The following TGFA variants were observed in gnomAD, a reference collection of about 807,000 sequenced individuals.
TGFA encodes transforming growth factor alpha, also known as protransforming growth factor alpha.
Under a neutral mutation model 21.7 loss-of-function variants are expected in TGFA, and 12 were observed. The observed-to-expected ratio is 0.55, with a 90% CI of 0.35 to 0.90. The LOEUF (loss-of-function observed/expected upper bound fraction) is 0.90, where lower values mean the gene tolerates loss of function less well. Ranked by LOEUF, TGFA falls within the 40% of genes least tolerant of loss-of-function variation. TGFA has a pLI of 0.01. For synonymous variants in TGFA, 79 were observed against 88.1 expected, an observed-to-expected ratio of 0.90 and a Z score of 0.58; for missense variants, 178 against 210.8, an observed-to-expected ratio of 0.84 and a Z score of 0.96.
chr2:70,454,573 C>G (rs1490116856), intron 4 of TGFA, among the ~76,000 whole-genome samples: 1 of 152,224 alleles, frequency 6.6e-6, no homozygotes, highest in Non-Finnish European at 1.5e-5. Flanking sequence ...GTCCTTGTCA[C>G]TTCCCAGATA....
chr2:70,470,826 G>T (rs1670719488), intron 2 of TGFA, among the ~76,000 whole-genome samples: 1 of 152,044 alleles, frequency 6.6e-6, no homozygotes, highest in Non-Finnish European at 1.5e-5. Flanking sequence ...GATGCTAGTG[G>T]ATTATCATTA....
At chr2:70,486,456 GT>G (rs1350733689) in intron 2 of TGFA, among the ~76,000 whole-genome samples, 2 of 151,948 alleles carry the variant, frequency 1.3e-5, no homozygotes, top group Non-Finnish European at 2.9e-5. Flanking sequence ...CATTTCTTGT[GT>G]TTTTTGTTTG....
intron 2 of TGFA, among the ~76,000 whole-genome samples, chr2:70,512,173 C>T (rs1339508095): frequency 6.6e-6 from 1 of 152,184 alleles, no homozygotes; most frequent in Non-Finnish European, 1.5e-5. Flanking sequence ...ATAACACGGT[C>T]ATCACCACTT....
rs375126122 is a variant in TGFA at position 70,525,754 on chromosome 2, C to T, written c.41-10842G>A. On this transcript the variant is annotated intron_variant, in intron 1 of 5. Transcript: ENST00000295400. ...ACTGGGAGACCTTGACCAGACCACC[C>T]GCTAGCCCAGGGGTTCTTACTGCTG... Among the ~76,000 whole-genome samples the T allele has an allele frequency of 5.9e-5, 9 of 152,162 alleles. No individual in the cohort carries two copies. In the South Asian group the frequency reaches 1.0e-3, roughly 18 times the overall value.
At chr2:70,478,082 G>T (rs892066493) in intron 2 of TGFA, among the ~76,000 whole-genome samples, 1 of 138,022 alleles carries the variant, frequency 7.2e-6, no homozygotes, top group African/African-American at 2.5e-5. Context: ...TTGAAACCCT[G>T]GTCCCCAGCT....
At chr2:70,511,151 G>A (rs1216815065) in intron 2 of TGFA, among the ~76,000 whole-genome samples, 1 of 152,108 alleles carries the variant, frequency 6.6e-6, no homozygotes, top group Admixed American at 6.6e-5. Flanking sequence ...CTCTAGTGCT[G>A]TCACTCAGGA....
intron 4 of TGFA, among the ~76,000 whole-genome samples, chr2:70,455,064 T>TG (rs1553490261): frequency 6.6e-6 from 1 of 152,244 alleles, no homozygotes; most frequent in African/African-American, 2.4e-5. Flanking sequence ...TGACAGAGCC[T>TG]GGGCTGTGGC....
intron 1 of TGFA, among the ~76,000 whole-genome samples, chr2:70,526,938 A>G (rs1265042339): frequency 6.6e-6 from 1 of 152,238 alleles, no homozygotes; most frequent in Non-Finnish European, 1.5e-5. Flanking sequence ...CAGTTAGTGT[A>G]TTTCTGAAGT....
intron 1 of TGFA, among the ~76,000 whole-genome samples, chr2:70,521,609 G>GTTGTTTTTTT (rs1432347684): frequency 3.0e-4 from 24 of 78,880 alleles, no homozygotes; most frequent in South Asian, 4.8e-4. Flanking sequence ...TTTTGTTGTT[G>GTTGTTTTTTT]TTTGTTTGTT....
At chr2:70,496,779 TG>T (rs1442961665) in intron 2 of TGFA, among the ~76,000 whole-genome samples, 1 of 152,178 alleles carries the variant, frequency 6.6e-6, no homozygotes, top group African/African-American at 2.4e-5. Flanking sequence ...TGCACTGTGC[TG>T]GGTACTGGGG....
At chr2:70,515,210 C>G (rs1307723464) in intron 1 of TGFA, among the ~76,000 whole-genome samples, 4 of 152,134 alleles carry the variant, frequency 2.6e-5, no homozygotes, top group Non-Finnish European at 5.9e-5. Flanking sequence ...TTTCTTAACA[C>G]CTTATAAATA....
chr2:70,461,010 C>T (rs1574070975), intron 3 of TGFA, among the ~76,000 whole-genome samples: 1 of 152,182 alleles, frequency 6.6e-6, no homozygotes, highest in South Asian at 2.1e-4. Flanking sequence ...CTTAAGAGTC[C>T]AGTGGCTCTT....
chr2:70,479,713 C>T (rs2103749273), intron 2 of TGFA, among the ~76,000 whole-genome samples: 1 of 151,900 alleles, frequency 6.6e-6, no homozygotes, highest in Admixed American at 6.6e-5. Flanking sequence ...AAAAAAATTA[C>T]TGACTTTACT....
chr2:70,541,525 C>T (rs919335123), intron 1 of TGFA, among the ~76,000 whole-genome samples: 21 of 152,144 alleles, frequency 1.4e-4, no homozygotes, highest in African/African-American at 5.1e-4. Context: ...CTGATTTCTG[C>T]TTCATTTTGG....
In TGFA at chr2:70,456,751, C is replaced by G. The variant is rs185571665; in HGVS notation, c.216-263G>C. Among the ~76,000 whole-genome samples, 12 of 152,350 alleles carry G rather than the reference C, an allele frequency of 7.9e-5. No homozygotes were observed. The East Asian group carries it at 1.9e-3, about 25-fold the overall frequency. On this transcript the variant is annotated intron_variant, in intron 3 of 5. Coordinates refer to ENST00000295400, the MANE Select transcript of TGFA (RefSeq NM_003236.4). ...AAGCTACGGCTGAAGCAATCCATGA[C>G]TATTGTGACTGTGCCAAATCCTGGA...
intron 1 of TGFA, among the ~76,000 whole-genome samples, chr2:70,522,573 A>G (rs1553502457): frequency 6.6e-6 from 1 of 152,108 alleles, no homozygotes; most frequent in African/African-American, 2.4e-5. Context: ...TAGCTGGGAT[A>G]CAGGTGTGTG....
At chr2:70,544,896 G>A (rs1353631329) in intron 1 of TGFA, among the ~76,000 whole-genome samples, 2 of 152,080 alleles carry the variant, frequency 1.3e-5, no homozygotes, top group Non-Finnish European at 2.9e-5. Flanking sequence ...GTGTGGGAGT[G>A]GAGGTGGTTA....
At chr2:70,553,615 T>C in intron 1 of TGFA, 113 bp downstream of exon 1, 7 of 1,313,424 alleles carry the variant, frequency 5.3e-6, no homozygotes, top group Non-Finnish European at 6.8e-6. Context: ...GACTACTCGC[T>C]TCTCTCCACT....
chr2:70,553,502 C>T lies in TGFA; in HGVS notation c.40+226G>A, dbSNP rs72828676. Reference sequence around the variant, plus strand: ...CCTTCCCAGGTGTTCTCACGCACGGCCCAGGCAGCCACTTTCCCGGGGAAG... The same window carrying T: ...CCTTCCCAGGTGTTCTCACGCACGGTCCAGGCAGCCACTTTCCCGGGGAAG... On this transcript the variant is annotated intron_variant, in intron 1 of 5. Coordinates refer to ENST00000295400, the MANE Select transcript of TGFA (RefSeq NM_003236.4). 8.2e-3 allele frequency: 11,301 copies of T among 1,384,330 alleles called. 63 individuals are homozygous for T. The highest frequency in any genetic ancestry group is 9.3e-3 in the Non-Finnish European group (9,993 of 1,075,126). 85.8% of individuals were successfully genotyped at this position (1,384,330 alleles called of 1,614,324 possible).
Sources: gnomAD v4.1 joint callset for allele counts (sites outside exome capture counted in the v4.1 genomes callset) on GRCh38, gnomAD v4.1.1 for gene constraint, MANE v1.5 for transcripts, NCBI Gene and HGNC (gene_info 2026-07-23, HGNC 2026-07-21) for gene names.